Variants in ASXL2 observed in about 807,000 individuals in gnomAD.
ASXL2 encodes the protein putative Polycomb group protein ASXL2.
Under a neutral mutation model 122.0 loss-of-function variants are expected in ASXL2, and 23 were observed. The ratio of observed to expected loss-of-function variants is 0.19; its 90% CI spans 0.14 to 0.27. The LOEUF (loss-of-function observed/expected upper bound fraction) is 0.27. ASXL2 is among the 10% of genes least tolerant of loss of function. The pLI, the probability that ASXL2 is intolerant of heterozygous loss-of-function variation, is 1.00. For synonymous variants in ASXL2, 650 were observed against 637.0 expected, an observed-to-expected ratio of 1.02 and a Z score of -0.31; for missense variants, 1,518 against 1,713.8, an observed-to-expected ratio of 0.89 and a Z score of 2.02.
chr2:25,814,576 T>C lies in ASXL2; in HGVS notation c.144-8239A>G, dbSNP rs374273853. ...GCTCAAGAGATTGGGGTTGAAGAGGTAGGGGTTCTGTCAAGGAAAGGAACA... is the reference window on the plus strand; with the variant it reads ...GCTCAAGAGATTGGGGTTGAAGAGGCAGGGGTTCTGTCAAGGAAAGGAACA... On this transcript the variant is annotated intron_variant, in intron 3 of 12. Coordinates refer to ENST00000435504, the MANE Select transcript of ASXL2 (RefSeq NM_018263.6). Among the ~76,000 whole-genome samples the C allele has an allele frequency of 2.0e-5, 3 of 152,150 alleles. No individual in the cohort carries two copies. In the East Asian group the frequency reaches 5.8e-4, roughly 29 times the overall value.
intron 2 of ASXL2, among the ~76,000 whole-genome samples, chr2:25,840,015 G>T (rs561158043): frequency 6.6e-6 from 1 of 151,512 alleles, no homozygotes; most frequent in African/African-American, 2.4e-5. Context: ...ACAGGCATGA[G>T]CCACCATGCC....
chr2:25,877,320 T>C (rs2090017433), intron 1 of ASXL2, among the ~76,000 whole-genome samples: 1 of 152,232 alleles, frequency 6.6e-6, no homozygotes, highest in South Asian at 2.1e-4. Context: ...AACATGCTTT[T>C]AATTTTTTCT....
At chr2:25,871,703 T>G (rs2089963379) in intron 1 of ASXL2, among the ~76,000 whole-genome samples, 1 of 152,336 alleles carries the variant, frequency 6.6e-6, no homozygotes, top group South Asian at 2.1e-4. Flanking sequence ...GTGATTCTCC[T>G]GCCTCAGCCT....
At chr2:25,861,648 G>A (rs2089844044) in intron 1 of ASXL2, among the ~76,000 whole-genome samples, 1 of 152,188 alleles carries the variant, frequency 6.6e-6, no homozygotes, top group African/African-American at 2.4e-5. Flanking sequence ...TGCTGCAAAA[G>A]CCATACACAT....
chr2:25,799,762 A>G (rs2088967146), intron 4 of ASXL2, among the ~76,000 whole-genome samples: 1 of 152,184 alleles, frequency 6.6e-6, no homozygotes, highest in African/African-American at 2.4e-5. Context: ...ATTCATATGC[A>G]GGCACAACAC....
intron 11 of ASXL2, among the ~76,000 whole-genome samples, chr2:25,751,842 C>T (rs1356512653): frequency 1.3e-5 from 2 of 151,642 alleles, no homozygotes; most frequent in East Asian, 1.9e-4. Flanking sequence ...AGTGCAATGG[C>T]GTAATCTTGG....
intron 6 of ASXL2, among the ~76,000 whole-genome samples, chr2:25,770,444 T>A (rs2088428102): frequency 6.6e-6 from 1 of 152,158 alleles, no homozygotes; most frequent in Non-Finnish European, 1.5e-5. Context: ...CCCAACCAAG[T>A]TATGTACAGT....
chr2:25,776,696 A>T (rs2088552185), intron 5 of ASXL2, among the ~76,000 whole-genome samples: 1 of 152,204 alleles, frequency 6.6e-6, no homozygotes, highest in African/African-American at 2.4e-5. Flanking sequence ...CAATGTTTTT[A>T]AAGAGACAAA....
intron 12 of ASXL2, among the ~76,000 whole-genome samples, chr2:25,748,526 G>C (rs1439804448): frequency 1.3e-5 from 2 of 151,614 alleles, no homozygotes; most frequent in Non-Finnish European, 2.9e-5. Context: ...AATACAATGA[G>C]AATGGGTCAA....
intron 5 of ASXL2, among the ~76,000 whole-genome samples, chr2:25,781,678 T>C (rs979621887): frequency 6.6e-5 from 10 of 150,590 alleles, no homozygotes; most frequent in Admixed American, 5.3e-4. Flanking sequence ...GGCTTTTTTT[T>C]TTTTTTTTGA....
chr2:25,823,296 A>G (rs2089333807), intron 3 of ASXL2, among the ~76,000 whole-genome samples: 1 of 152,024 alleles, frequency 6.6e-6, no homozygotes, highest in Non-Finnish European at 1.5e-5. Context: ...AGATACTGAC[A>G]TGATAGGAAG....
At chr2:25,801,750 C>G (rs1001235501) in intron 4 of ASXL2, among the ~76,000 whole-genome samples, 2 of 152,098 alleles carry the variant, frequency 1.3e-5, no homozygotes, top group African/African-American at 4.8e-5. Context: ...TGTCCTTTGT[C>G]TCCATCTCTT....
intron 1 of ASXL2, among the ~76,000 whole-genome samples, chr2:25,853,347 G>C (rs1201051067): frequency 6.6e-6 from 1 of 152,192 alleles, no homozygotes; most frequent in East Asian, 1.9e-4. Context: ...GAGGGAAAAA[G>C]TCCTTACCTG....
chr2:25,836,778 TCAC>T (rs976999037), intron 2 of ASXL2, among the ~76,000 whole-genome samples: 1 of 152,130 alleles, frequency 6.6e-6, no homozygotes, highest in African/African-American at 2.4e-5. Context: ...AGATTCAAAC[TCAC>T]CACAATTACT....
intron 5 of ASXL2, among the ~76,000 whole-genome samples, chr2:25,792,162 A>C (rs1012178454): frequency 1.3e-5 from 2 of 152,150 alleles, no homozygotes; most frequent in African/African-American, 4.8e-5. Context: ...ACATTCGGCT[A>C]ATTTTACTTT....
intron 1 of ASXL2, among the ~76,000 whole-genome samples, chr2:25,875,984 A>C (rs549213085): frequency 6.6e-6 from 1 of 152,180 alleles, no homozygotes; most frequent in African/African-American, 2.4e-5. Flanking sequence ...TATCCCAAAA[A>C]CAGAAATATT....
intron 3 of ASXL2, chr2:25,822,672 A>C (rs2089326546): frequency 1.5e-6 from 1 of 679,368 alleles, no homozygotes; most frequent in Non-Finnish European, 2.6e-6. Flanking sequence ...CATAAAAAAA[A>C]CGGACAGATC....
chr2:25,772,796 G>A (rs2088478847), intron 5 of ASXL2, among the ~76,000 whole-genome samples: 1 of 145,132 alleles, frequency 6.9e-6, no homozygotes, highest in Non-Finnish European at 1.5e-5. Flanking sequence ...ACATAAAAAT[G>A]TAGAAGCATA....
chr2:25,828,682 G>A (rs746507979), intron 3 of ASXL2, among the ~76,000 whole-genome samples: 58 of 151,184 alleles, frequency 3.8e-4, no homozygotes, highest in African/African-American at 1.4e-3. Context: ...AAAATTAGCC[G>A]GGAGTGGTGG....
Sources: gnomAD v4.1 joint callset for allele counts (sites outside exome capture counted in the v4.1 genomes callset) on GRCh38, gnomAD v4.1.1 for gene constraint, MANE v1.5 for transcripts, NCBI Gene and HGNC (gene_info 2026-07-23, HGNC 2026-07-21) for gene names.